Variants in STRN4 observed in about 807,000 individuals in gnomAD.
The protein encoded by STRN4 is striatin 4, also known as striatin-4.
A neutral mutation model predicts 77.9 loss-of-function variants in STRN4; 27 were observed. The ratio of observed to expected loss-of-function variants is 0.35; its 90% CI spans 0.26 to 0.48. The LOEUF (loss-of-function observed/expected upper bound fraction) is 0.48. Ranked by LOEUF, STRN4 falls within the 20% of genes least tolerant of loss-of-function variation. STRN4 has a pLI of 0.99. For missense variants in STRN4, 798 were observed against 1,049.7 expected, an observed-to-expected ratio of 0.76 and a Z score of 3.31; for synonymous variants, 466 against 443.1, an observed-to-expected ratio of 1.05 and a Z score of -0.65.
intron 1 of STRN4, among the ~76,000 whole-genome samples, chr19:46,743,151 A>G (rs1406528924): frequency 6.6e-6 from 1 of 152,208 alleles, no homozygotes; most frequent in African/African-American, 2.4e-5. Context: ...CATCTATTAC[A>G]TAAGCACAAT....
chr19:46,737,480 C>G (rs577057923), intron 3 of STRN4, among the ~76,000 whole-genome samples: 1 of 152,286 alleles, frequency 6.6e-6, no homozygotes, highest in African/African-American at 2.4e-5. Context: ...CCATCACTAT[C>G]AGCTGAGCAC....
At chr19:46,722,417 G>A (rs1315925144) in intron 14 of STRN4, 77 bp from the exon 15 acceptor site, 44 of 1,439,292 alleles carry the variant, frequency 3.1e-5, no homozygotes, top group Non-Finnish European at 2.2e-5. Context: ...CAAGCGCAGC[G>A]TGACAGCCCC....
chr19:46,720,810 C>T, intron 16 of STRN4, 39 bp from the exon 17 acceptor site: 1 of 1,511,352 alleles, frequency 6.6e-7, no homozygotes. Context: ...GGTCACTGGG[C>T]TCCTCGCTCA....
At chr19:46,730,644 C>T in intron 6 of STRN4, 88 bp downstream of exon 6, 1 of 1,556,916 alleles carries the variant, frequency 6.4e-7, no homozygotes, top group Non-Finnish European at 8.7e-7. Context: ...GCACACACCG[C>T]AGCCCCTGAA....
chr19:46,730,645 A>G (rs1004831668), intron 6 of STRN4, 87 bp downstream of exon 6: 2 of 1,558,418 alleles, frequency 1.3e-6, no homozygotes, highest in African/African-American at 2.7e-5. Flanking sequence ...CACACACCGC[A>G]GCCCCTGAAG....
chr19:46,746,113 C>A lies in STRN4; in HGVS notation c.282+36G>T, dbSNP rs978879395. 2.1e-6 allele frequency: 3 copies of A among 1,450,796 alleles called. No homozygotes were observed. The African/African-American group carries it at 4.5e-5, about 22-fold the overall frequency. 89.9% of individuals were successfully genotyped at this position (1,450,796 alleles called of 1,614,324 possible). On this transcript the variant is annotated intron_variant, in intron 1 of 17. Coordinates refer to ENST00000263280, the MANE Select transcript of STRN4 (RefSeq NM_013403.3). ...CGGGTGAGGCCGGGCCGGGCCGGGCCGGGTTGGGGGTCGGGGGTCCCGGGA... is the reference window on the plus strand; with the variant it reads ...CGGGTGAGGCCGGGCCGGGCCGGGCAGGGTTGGGGGTCGGGGGTCCCGGGA...
At position 46,730,652 on chromosome 19, in the gene STRN4, G is replaced by A. The variant is rs73940761; in HGVS notation, c.879+80C>T. 1,719 of 1,569,502 alleles carry A rather than the reference G, an allele frequency of 1.1e-3. 21 individuals are homozygous for A. The African/African-American group carries it at 0.02, about 19-fold the overall frequency. On this transcript the variant is annotated intron_variant, in intron 6 of 17. Transcript: ENST00000263280. ...GCTGCCAGCACACACCGCAGCCCCT[G>A]AAGGCCCAGGCTGACTCGGAAGGGC...
intron 3 of STRN4, among the ~76,000 whole-genome samples, chr19:46,737,846 C>T (rs1187734091): frequency 1.3e-5 from 2 of 152,168 alleles, no homozygotes; most frequent in Non-Finnish European, 1.5e-5. Flanking sequence ...ACGTCTTCCC[C>T]GGCTTTCCCG....
rs938817028 is a variant in STRN4 at position 46,741,320 on chromosome 19, T to TCC, written c.283-2434_283-2433dup. Reference sequence around the variant, plus strand: ...CAACCAGACCTGTCACTGGCTGGGTTCCCCCTTCATCCCTCTGCTGCCTCA... The same window carrying TCC: ...CAACCAGACCTGTCACTGGCTGGGTTCCCCCCCTTCATCCCTCTGCTGCCTCA... On this transcript the variant is annotated intron_variant, in intron 1 of 17. Coordinates refer to ENST00000263280, the MANE Select transcript of STRN4 (RefSeq NM_013403.3). This position sits in a 1 kb window ranked among gnomAD's most constrained non-coding sequence, Gnocchi z 4.9. 8.5e-5 allele frequency among the ~76,000 whole-genome samples: 13 copies of TCC among 152,234 alleles called. No homozygotes were observed. The highest frequency in any genetic ancestry group is 3.1e-4 in the African/African-American group (13 of 41,552).
chr19:46,728,233 C>T lies in STRN4; in HGVS notation c.1040-226G>A, dbSNP rs2054167633. The T allele has an allele frequency of 9.3e-6, 6 of 648,468 alleles. No individual in the cohort carries two copies. The South Asian group carries it at 1.0e-4, about 11-fold the overall frequency. 40.2% of individuals were successfully genotyped at this position (648,468 alleles called of 1,614,324 possible). A position where few individuals can be genotyped will look rare whatever the true frequency, so the allele number is the denominator to read the frequency against. On this transcript the variant is annotated intron_variant, in intron 7 of 17. Coordinates refer to ENST00000263280, the MANE Select transcript of STRN4 (RefSeq NM_013403.3). ...TAGGCCTCAGGCCCCAGCCACCCAT[C>T]CCACGTATCCTGAGAGCCCTCCTAG...
At chr19:46,737,383 G>A (rs2054387861) in intron 3 of STRN4, among the ~76,000 whole-genome samples, 1 of 152,218 alleles carries the variant, frequency 6.6e-6, no homozygotes. Flanking sequence ...CGCTGTGCCT[G>A]GCCAGGGGCC....
intron 4 of STRN4, 145 bp downstream of exon 4, chr19:46,736,678 T>G: frequency 1.1e-6 from 1 of 879,402 alleles, no homozygotes; most frequent in Non-Finnish European, 1.7e-6. Context: ...GCCCACAGGG[T>G]GAAAGCCATT....
In STRN4 at chr19:46,719,674, C is replaced by T. The variant is rs1274546194; in HGVS notation, c.*731G>A. The T allele has an allele frequency of 6.6e-6, 1 of 152,454 alleles. No homozygotes were observed. Among genetic ancestry groups the T allele is most frequent in the Non-Finnish European group, 1.5e-5 (1 of 68,026 alleles). 9.4% of individuals were successfully genotyped at this position (152,454 alleles called of 1,614,324 possible). A position where few individuals can be genotyped will look rare whatever the true frequency, so the allele number is the denominator to read the frequency against. ...AGAGTGGAGACAGGGAGGAGACTGA[C>T]TGAGACCATCACACAGTGATAATGC... On this transcript the variant is annotated 3_prime_UTR_variant, in exon 18 of 18. Transcript: ENST00000263280.
At chr19:46,746,112 C>A in intron 1 of STRN4, 37 bp downstream of exon 1, 1 of 1,406,372 alleles carries the variant, frequency 7.1e-7, no homozygotes, top group Non-Finnish European at 9.3e-7. Flanking sequence ...CCGGGCCGGG[C>A]CGGGTTGGGG....
chr19:46,723,732 C>T lies in STRN4; in HGVS notation c.1595-448G>A, dbSNP rs1053642644. Among the ~76,000 whole-genome samples, 12 of 152,148 alleles carry T rather than the reference C, an allele frequency of 7.9e-5. No homozygotes were observed. Among genetic ancestry groups the T allele is most frequent in the African/African-American group, 2.7e-4 (11 of 41,420 alleles). Reference sequence around the variant, plus strand: ...GGGCTTTGCCTGGTCTCTCCAAAGCCCCCTGGTCATTCAGAGGTCCAATCA... The same window carrying T: ...GGGCTTTGCCTGGTCTCTCCAAAGCTCCCTGGTCATTCAGAGGTCCAATCA... On this transcript the variant is annotated intron_variant, in intron 12 of 17. Coordinates refer to ENST00000263280, the MANE Select transcript of STRN4 (RefSeq NM_013403.3). The surrounding 1 kb of genome is among the most constrained non-coding windows in gnomAD (Gnocchi z 5.5).
At chr19:46,726,799 AG>A (rs1324357501) in intron 9 of STRN4, among the ~76,000 whole-genome samples, 1 of 152,100 alleles carries the variant, frequency 6.6e-6, no homozygotes, top group African/African-American at 2.4e-5. Flanking sequence ...TTAGGGTCAG[AG>A]GATCTGCTAC....
chr19:46,745,141 T>C (rs889094488), intron 1 of STRN4, among the ~76,000 whole-genome samples: 1 of 150,380 alleles, frequency 6.6e-6, no homozygotes, highest in African/African-American at 2.5e-5. Flanking sequence ...CTCGTCCTCA[T>C]TGGCACCATC....
At chr19:46,727,328 A>T in intron 9 of STRN4, 124 bp downstream of exon 9, 1 of 799,512 alleles carries the variant, frequency 1.3e-6, no homozygotes, top group Non-Finnish European at 2.0e-6. Flanking sequence ...TCCACTGTCT[A>T]CATCTGCACC....
intron 1 of STRN4, chr19:46,740,325 T>C (rs892609687): frequency 1.2e-4 from 18 of 152,140 alleles, no homozygotes; most frequent in African/African-American, 3.9e-4. Flanking sequence ...AGTTACCTTA[T>C]AGAAAAGAAA....
Sources: gnomAD v4.1 joint callset for allele counts (sites outside exome capture counted in the v4.1 genomes callset) on GRCh38, gnomAD v4.1.1 for gene constraint, Gnocchi (gnomAD v3.1) non-coding constraint, MANE v1.5 for transcripts, NCBI Gene and HGNC (gene_info 2026-07-23, HGNC 2026-07-21) for gene names.